KCNQ3: variants seen among roughly 807,000 people sequenced by gnomAD.
KCNQ3 encodes potassium voltage-gated channel subfamily Q member 3.
In KCNQ3, 30 loss-of-function variants were observed where a neutral mutation model predicts 92.5. The ratio of observed to expected loss-of-function variants is 0.32; its 90% CI spans 0.24 to 0.44. The LOEUF is 0.44. Ranked by LOEUF, KCNQ3 falls within the 20% of genes least tolerant of loss-of-function variation. The probability of loss-of-function intolerance (pLI) is 1.00; values close to 1 mark genes in which losing one functional copy is unlikely to be tolerated. For missense variants in KCNQ3, 913 were observed against 1,140.3 expected, an observed-to-expected ratio of 0.80 and a Z score of 2.87; for synonymous variants, 450 against 468.8, an observed-to-expected ratio of 0.96 and a Z score of 0.52.
At chr8:132,359,451 G>T (rs777647031) in intron 1 of KCNQ3, among the ~76,000 whole-genome samples, 2 of 152,118 alleles carry the variant, frequency 1.3e-5, no homozygotes. Context: ...CAGGGAAGGG[G>T]TCTGTTTCCT....
chr8:132,378,286 G>A (rs760439953), intron 1 of KCNQ3, among the ~76,000 whole-genome samples: 2 of 152,008 alleles, frequency 1.3e-5, no homozygotes, highest in Non-Finnish European at 2.9e-5. Context: ...CAAGCTACTG[G>A]GAGGCTGATG....
At chr8:132,248,714 C>G (rs565279513) in intron 1 of KCNQ3, among the ~76,000 whole-genome samples, 1 of 152,224 alleles carries the variant, frequency 6.6e-6, no homozygotes, top group African/African-American at 2.4e-5. Context: ...TGGGCACAGG[C>G]TCCTGCCCCA....
chr8:132,361,379 C>A (rs1338724095), intron 1 of KCNQ3, among the ~76,000 whole-genome samples: 2 of 152,182 alleles, frequency 1.3e-5, no homozygotes, highest in East Asian at 1.9e-4. Flanking sequence ...AGCTCCAAGG[C>A]AGAGATCTTT....
At chr8:132,203,018 C>T (rs1316746185) in intron 1 of KCNQ3, among the ~76,000 whole-genome samples, 2 of 152,098 alleles carry the variant, frequency 1.3e-5, no homozygotes, top group Non-Finnish European at 2.9e-5. Context: ...CTGGGAAGTC[C>T]AATACCAAGG....
intron 1 of KCNQ3, among the ~76,000 whole-genome samples, chr8:132,215,267 A>G (rs62519650): frequency 0.032 from 4,889 of 152,348 alleles, 137 homozygotes; most frequent in Non-Finnish European, 0.048. Context: ...CAATGTTTAC[A>G]TGGGTGCCCT....
chr8:132,263,062 A>C (rs1188406607), intron 1 of KCNQ3, among the ~76,000 whole-genome samples: 1 of 152,148 alleles, frequency 6.6e-6, no homozygotes, highest in Non-Finnish European at 1.5e-5. Context: ...CTGACCCGAA[A>C]GCCAAAACTC....
At chr8:132,279,385 T>C (rs1250107713) in intron 1 of KCNQ3, among the ~76,000 whole-genome samples, 6 of 152,218 alleles carry the variant, frequency 3.9e-5, no homozygotes, top group Non-Finnish European at 8.8e-5. Context: ...TGTGTAGCTC[T>C]GCTAAACAAC....
chr8:132,276,669 T>C (rs1586888105), intron 1 of KCNQ3, among the ~76,000 whole-genome samples: 2 of 152,180 alleles, frequency 1.3e-5, no homozygotes, highest in African/African-American at 4.8e-5. Context: ...CTGCATTGTT[T>C]TGAAATATCA....
Position 132,180,295 on chromosome 8 carries a change from A to T in KCNQ3, c.639T>A (p.Val213=), listed in dbSNP as rs1396168972. Residue 213 remains valine, a synonymous_variant, in exon 4 of 15, where the codon GTT becomes GTA. Coordinates refer to ENST00000388996, the MANE Select transcript of KCNQ3 (RefSeq NM_004519.4). ...GAACATTGCCTTGGTTTCCCACAGC[A>T]ACCACTGGCACAGAGGCAATCAGCA... is the stretch of plus-strand genomic sequence containing the variant. ...IFVLIASVPV[V]AVGNQGNVLA... 1.9e-6 allele frequency: 3 copies of T among 1,614,172 alleles called. No homozygotes were observed. In the South Asian group the frequency reaches 3.3e-5, roughly 18 times the overall value.
chr8:132,256,148 A>G (rs1372385031), intron 1 of KCNQ3, among the ~76,000 whole-genome samples: 3 of 152,158 alleles, frequency 2.0e-5, no homozygotes, highest in Non-Finnish European at 4.4e-5. Context: ...ACAATGTCAT[A>G]CCAAATAGGT....
chr8:132,245,172 T>C (rs574206743), intron 1 of KCNQ3, among the ~76,000 whole-genome samples: 2 of 152,292 alleles, frequency 1.3e-5, no homozygotes, highest in East Asian at 3.9e-4. Flanking sequence ...CCTCAGTTCT[T>C]TCATTTGCAA....
At chr8:132,428,308 G>T (rs896908670) in intron 1 of KCNQ3, among the ~76,000 whole-genome samples, 9 of 152,144 alleles carry the variant, frequency 5.9e-5, no homozygotes, top group Non-Finnish European at 1.3e-4. Context: ...CTGCCTTAAA[G>T]AAGTCTTTTC....
At chr8:132,211,626 T>C (rs1813856922) in intron 1 of KCNQ3, among the ~76,000 whole-genome samples, 1 of 152,206 alleles carries the variant, frequency 6.6e-6, no homozygotes, top group Non-Finnish European at 1.5e-5. Flanking sequence ...TGTATATACA[T>C]ATGAGAGTCA....
intron 1 of KCNQ3, among the ~76,000 whole-genome samples, chr8:132,207,957 C>T (rs1056419997): frequency 2.0e-5 from 3 of 151,198 alleles, no homozygotes; most frequent in Non-Finnish European, 4.4e-5. Context: ...GTGCATCACA[C>T]CAGCATTAGC....
intron 1 of KCNQ3, among the ~76,000 whole-genome samples, chr8:132,448,164 T>C (rs1821729527): frequency 6.6e-6 from 1 of 152,200 alleles, no homozygotes; most frequent in African/African-American, 2.4e-5. Context: ...GCAGCTGTCA[T>C]GCCATCTTAT....
intron 9 of KCNQ3, among the ~76,000 whole-genome samples, chr8:132,147,554 T>C (rs1825490742): frequency 6.6e-6 from 1 of 152,132 alleles, no homozygotes; most frequent in Non-Finnish European, 1.5e-5. Flanking sequence ...TAAATATTCA[T>C]TGAATGGTAG....
chr8:132,352,881 C>T (rs1209721132), intron 1 of KCNQ3, among the ~76,000 whole-genome samples: 1 of 152,120 alleles, frequency 6.6e-6, no homozygotes, highest in Admixed American at 6.5e-5. Context: ...GCCCTGACCC[C>T]AGTTCCACAC....
At chr8:132,191,548 G>GAT (rs995825577) in intron 1 of KCNQ3, among the ~76,000 whole-genome samples, 16 of 148,442 alleles carry the variant, frequency 1.1e-4, no homozygotes, top group East Asian at 9.8e-4. Flanking sequence ...TATATGGATG[G>GAT]ATATATATAT....
chr8:132,318,431 A>T (rs1586922498), intron 1 of KCNQ3, among the ~76,000 whole-genome samples: 1 of 152,076 alleles, frequency 6.6e-6, no homozygotes, highest in East Asian at 1.9e-4. Flanking sequence ...CACAGAGGGA[A>T]TCTGTTTGTA....
Sources: allele counts gnomAD v4.1 joint callset (sites outside exome capture counted in the v4.1 genomes callset), GRCh38; gene constraint gnomAD v4.1.1; transcripts MANE v1.5; gene names NCBI Gene and HGNC (gene_info 2026-07-23, HGNC 2026-07-21).